GPHN: variants seen among roughly 807,000 people sequenced by gnomAD.
GPHN encodes the protein gephyrin.
GPHN carries 17 observed loss-of-function variants against 95.5 expected under a neutral mutation model. That is an observed-to-expected ratio of 0.18 (90% CI 0.12 to 0.27). The LOEUF is 0.27. Ranked by LOEUF, GPHN falls within the 10% of genes least tolerant of loss-of-function variation. GPHN has a pLI of 1.00. For synonymous variants in GPHN, 320 were observed against 322.5 expected (o/e 0.99, Z 0.08); for missense variants, 660 against 978.1 (o/e 0.67, Z 4.34).
chr14:67,176,441 T>C (rs2082955712), intron 21 of GPHN, among the ~76,000 whole-genome samples: 1 of 152,220 alleles, frequency 6.6e-6, no homozygotes, highest in South Asian at 2.1e-4. Context: ...TTGATCGTGG[T>C]GGATAAGCTT....
At chr14:66,834,291 T>A (rs1164815911) in intron 4 of GPHN, among the ~76,000 whole-genome samples, 1 of 152,164 alleles carries the variant, frequency 6.6e-6, no homozygotes, top group Non-Finnish European at 1.5e-5. Context: ...CTCTATTTTT[T>A]ATGCATGAAA....
At chr14:66,810,614 T>C (rs1455015790) in intron 3 of GPHN, among the ~76,000 whole-genome samples, 2 of 152,150 alleles carry the variant, frequency 1.3e-5, no homozygotes, top group East Asian at 3.8e-4. Context: ...TCACATCAAA[T>C]TTTGGTATAT....
chr14:67,197,979 G>C, the GPHN span: 4 of 228,018 alleles, frequency 1.8e-5, no homozygotes, highest in Middle Eastern at 4.3e-3. Context: ...GATCTTATCA[G>C]TCCTGTTTAG....
chr14:67,593,141 T>C, the GPHN span: 4 of 164,698 alleles, frequency 2.4e-5, no homozygotes, highest in South Asian at 6.5e-4. Flanking sequence ...GTTTAAGTAG[T>C]AGAACACTTG....
intron 21 of GPHN, among the ~76,000 whole-genome samples, chr14:67,171,738 C>G (rs2281676): frequency 0.33 from 50,403 of 151,912 alleles, 13,474 homozygotes; most frequent in African/African-American, 0.72. Flanking sequence ...AGAGTGTATC[C>G]GTGGAGTAAC....
At chr14:67,621,121 A>G in the GPHN span, among the ~76,000 whole-genome samples, 1 of 152,212 alleles carries the variant, frequency 6.6e-6, no homozygotes, top group African/African-American at 2.4e-5. Flanking sequence ...CTTAAGATCA[A>G]GGAGTCATCA....
At chr14:66,700,808 A>G (rs2068487530) in intron 2 of GPHN, among the ~76,000 whole-genome samples, 1 of 152,148 alleles carries the variant, frequency 6.6e-6, no homozygotes, top group Admixed American at 6.5e-5. Flanking sequence ...CTATAGTCCC[A>G]GCTACTTGGG....
intron 16 of GPHN, among the ~76,000 whole-genome samples, chr14:67,116,303 G>C (rs1001377925): frequency 1.1e-4 from 16 of 147,692 alleles, no homozygotes; most frequent in African/African-American, 4.0e-4. Flanking sequence ...GAAAAAGAAA[G>C]AAAGAAAGAA....
chr14:66,936,405 A>AT (rs567719063), intron 8 of GPHN, among the ~76,000 whole-genome samples: 20 of 151,938 alleles, frequency 1.3e-4, no homozygotes, highest in Non-Finnish European at 1.3e-4. Context: ...AAGAAATGGG[A>AT]TTTTTTACCA....
At chr14:66,935,875 A>C (rs1237284344) in intron 8 of GPHN, among the ~76,000 whole-genome samples, 1 of 152,082 alleles carries the variant, frequency 6.6e-6, no homozygotes, top group Admixed American at 6.6e-5. Flanking sequence ...TCAGCTCTTT[A>C]CGTAAATCCT....
chr14:66,535,743 T>C (rs1371306784), intron 1 of GPHN, among the ~76,000 whole-genome samples: 1 of 152,196 alleles, frequency 6.6e-6, no homozygotes, highest in Admixed American at 6.5e-5. Context: ...GTATTCGTTA[T>C]TTAAATTTCA....
chr14:67,119,850 C>A (rs537678913), intron 16 of GPHN, among the ~76,000 whole-genome samples: 4 of 151,666 alleles, frequency 2.6e-5, no homozygotes, highest in African/African-American at 9.7e-5. Flanking sequence ...AAGATAGTGG[C>A]CAGGTATGGT....
chr14:67,439,116 C>T, the GPHN span, among the ~76,000 whole-genome samples: 1 of 152,146 alleles, frequency 6.6e-6, no homozygotes, highest in Non-Finnish European at 1.5e-5. Context: ...CTAGGAAAGT[C>T]CAAAGCACAC....
At chr14:67,160,217 G>T (rs1039605279) in intron 19 of GPHN, among the ~76,000 whole-genome samples, 3 of 152,022 alleles carry the variant, frequency 2.0e-5, no homozygotes, top group Non-Finnish European at 1.5e-5. Context: ...TAGAGAAAAT[G>T]GATCATGTTT....
At chr14:67,243,932 C>T in the GPHN span, among the ~76,000 whole-genome samples, 1 of 152,198 alleles carries the variant, frequency 6.6e-6, no homozygotes, top group African/African-American at 2.4e-5. Context: ...AATCCGTAGT[C>T]TGACTGCTAG....
chr14:67,204,572 A>G, the GPHN span: 5 of 1,613,608 alleles, frequency 3.1e-6, no homozygotes, highest in Non-Finnish European at 4.2e-6. Context: ...CTTTCTGTGC[A>G]TGATGCGGAG....
At chr14:66,940,816 A>T (rs2067386143) in intron 8 of GPHN, among the ~76,000 whole-genome samples, 1 of 151,846 alleles carries the variant, frequency 6.6e-6, no homozygotes, top group Non-Finnish European at 1.5e-5. Flanking sequence ...AGTTGCATGG[A>T]CTCCTTATCA....
the GPHN span, chr14:67,392,453 T>C: frequency 6.5e-7 from 1 of 1,550,368 alleles, no homozygotes; most frequent in Non-Finnish European, 8.9e-7. Context: ...GAGCAAGGAC[T>C]CTGCTACAGA....
chr14:67,363,458 C>T, the GPHN span, among the ~76,000 whole-genome samples: 17 of 151,988 alleles, frequency 1.1e-4, no homozygotes, highest in African/African-American at 4.1e-4. Flanking sequence ...ATTAATGTTG[C>T]TTTTTAAGTA....
Sources: gnomAD v4.1 joint callset for allele counts (sites outside exome capture counted in the v4.1 genomes callset) on GRCh38, gnomAD v4.1.1 for gene constraint, MANE v1.5 for transcripts, NCBI Gene and HGNC (gene_info 2026-07-23, HGNC 2026-07-21) for gene names.